SYCP2: variants seen among roughly 807,000 people sequenced by gnomAD.
The protein encoded by SYCP2 is synaptonemal complex protein 2.
Under a neutral mutation model 211.3 loss-of-function variants are expected in SYCP2, and 55 were observed. The observed-to-expected ratio is 0.26, with a 90% CI of 0.21 to 0.33. The LOEUF (loss-of-function observed/expected upper bound fraction) is 0.33. SYCP2 is among the 10% of genes least tolerant of loss of function. SYCP2 has a pLI of 1.00. For synonymous variants in SYCP2, 570 were observed against 555.2 expected (o/e 1.03, Z -0.37); for missense variants, 1,731 against 1,752.0 (o/e 0.99, Z 0.21).
intron 37 of SYCP2, 90 bp downstream of exon 37, chr20:59,868,745 G>A: frequency 7.7e-7 from 1 of 1,299,750 alleles, no homozygotes; most frequent in Non-Finnish European, 1.1e-6. Flanking sequence ...TTGAATAACG[G>A]TATGACTTAA....
In SYCP2 at chr20:59,867,693, A is replaced by T. The variant is rs763623744; in HGVS notation, c.4125+18T>A. 6.3e-7 allele frequency: 1 copy of T among 1,594,358 alleles called. No individual in the cohort carries two copies. Among genetic ancestry groups the T allele is most frequent in the Non-Finnish European group, 8.6e-7 (1 of 1,164,606 alleles). On this transcript the variant is annotated intron_variant, in intron 39 of 44. Transcript: ENST00000357552. The stretch of plus-strand genomic sequence containing the variant: ...ATTATATTATTGGGTATAAATCATA[A>T]TTTAAAGAATAACTCACATTATTCC...
chr20:59,866,862 G>A (rs1341705371), intron 39 of SYCP2, among the ~76,000 whole-genome samples: 1 of 151,510 alleles, frequency 6.6e-6, no homozygotes, highest in East Asian at 1.9e-4. Flanking sequence ...CAAAAATGCT[G>A]ATGGTTATAA....
At position 59,875,304 on chromosome 20, in the gene SYCP2, A is replaced by T; in HGVS notation, c.3316T>A (p.Ser1106Thr). 16 of 1,610,900 alleles carry T rather than the reference A, an allele frequency of 9.9e-6. No individual in the cohort carries two copies. The highest frequency in any genetic ancestry group is 1.4e-5 in the Non-Finnish European group (16 of 1,178,216). ...ACTTCTATAGATGATGGACTGCCAG[A>T]TAAAGATCTGGGAGATAAGTCAAGG... ...NCLDLSPRSL[S>T]GSPSSIEVTR... The change falls in exon 34 of 45, where the codon TCT (serine) becomes ACT (threonine). Residue 1106 changes from serine (S) to threonine (T), a missense_variant. This residue lies in a region of SYCP2 where 1,387 missense variants were observed against 1,351.3 expected (regional missense o/e 1.03). Transcript: ENST00000357552.
intron 20 of SYCP2, among the ~76,000 whole-genome samples, 190 bp from the exon 21 acceptor site, chr20:59,893,783 C>T (rs2059955194): frequency 6.6e-6 from 1 of 152,012 alleles, no homozygotes; most frequent in South Asian, 2.1e-4. Context: ...AAGAAGAAAA[C>T]TGTCACTGCA....
chr20:59,919,958 AT>A (rs1318870871), intron 5 of SYCP2, among the ~76,000 whole-genome samples: 5 of 151,826 alleles, frequency 3.3e-5, no homozygotes, highest in African/African-American at 1.2e-4. Context: ...TTTTACCTTA[AT>A]TTAGATATTT....
intron 37 of SYCP2, 29 bp from the exon 38 acceptor site, chr20:59,868,597 C>T (rs762459557): frequency 2.8e-5 from 43 of 1,544,012 alleles, no homozygotes; most frequent in East Asian, 6.9e-5. Context: ...AAGTTAAAAG[C>T]GCTGCAATTT....
intron 24 of SYCP2, 59 bp from the exon 25 acceptor site, chr20:59,886,893 A>G: frequency 1.5e-6 from 2 of 1,375,904 alleles, no homozygotes; most frequent in Admixed American, 5.4e-5. Context: ...AGGAAAAATA[A>G]AGGCTGAAAA....
chr20:59,880,966 T>A lies in SYCP2; in HGVS notation c.2772A>T (p.Lys924Asn). The A allele has an allele frequency of 1.4e-6, 2 of 1,439,500 alleles. No individual in the cohort carries two copies. Among genetic ancestry groups the A allele is most frequent in the Non-Finnish European group, 1.9e-6 (2 of 1,047,992 alleles). 89.2% of individuals were successfully genotyped at this position (1,439,500 alleles called of 1,614,324 possible). A position where few individuals can be genotyped will look rare whatever the true frequency, so the allele number is the denominator to read the frequency against. Reference protein sequence around the residue: ...LKSSVKTKDKKIITNHQKKNL... With the variant: ...LKSSVKTKDKNIITNHQKKNL... The stretch of plus-strand genomic sequence containing the variant: ...GACATATTGAGATATTATAACTTAC[T>A]TTTTTATCTTTTGTTTTGACAGAAG... Residue 924 changes from lysine to asparagine, a missense_variant and splice_region_variant, in exon 30 of 45, where the codon AAA becomes AAT. Physicochemically the swap from Lys to Asn is moderately conservative, Grantham distance 94. Around this residue, in one of 3 missense-constraint regions of SYCP2, gnomAD observed 1,387 missense variants for 1,351.3 expected, o/e 1.03. Transcript: ENST00000357552.
intron 1 of SYCP2, among the ~76,000 whole-genome samples, chr20:59,933,015 C>T (rs1274606588): frequency 6.6e-6 from 1 of 152,032 alleles, no homozygotes; most frequent in Non-Finnish European, 1.5e-5. Flanking sequence ...TTCCCAGGGT[C>T]ACCCCCGAAC....
At chr20:59,906,637 C>T (rs2060218730) in intron 15 of SYCP2, among the ~76,000 whole-genome samples, 1 of 151,908 alleles carries the variant, frequency 6.6e-6, no homozygotes, top group Non-Finnish European at 1.5e-5. Flanking sequence ...TAAGAGTCGA[C>T]AAAAATTTTT....
At chr20:59,909,874 T>G (rs1055814444) in intron 14 of SYCP2, among the ~76,000 whole-genome samples, 1 of 152,220 alleles carries the variant, frequency 6.6e-6, no homozygotes, top group Non-Finnish European at 1.5e-5. Flanking sequence ...GTTGTGAGGC[T>G]ACTTTATATT....
intron 44 of SYCP2, among the ~76,000 whole-genome samples, chr20:59,864,940 G>A (rs2059300058): frequency 6.6e-6 from 1 of 151,910 alleles, no homozygotes; most frequent in African/African-American, 2.4e-5. Context: ...TGCAGCTGCT[G>A]GTCTACTAGG....
rs967362885 is a variant in SYCP2, at chr20:59,863,772, T to C, written c.*539A>G. The stretch of plus-strand genomic sequence containing the variant: ...GCAATGTAGTAGCTTTTTTAGGCCA[T>C]TTAGTGCTTCCTAATACATTAGAGC... On this transcript the variant is annotated 3_prime_UTR_variant, in exon 45 of 45. Transcript: ENST00000357552. The C allele has an allele frequency of 6.6e-6, 1 of 151,978 alleles. No homozygotes were observed. The highest frequency in any genetic ancestry group is 1.5e-5 in the Non-Finnish European group (1 of 67,888). The allele number at this position is 151,978 out of a possible 1,614,324, so 9.4% of individuals were successfully genotyped here.
chr20:59,883,127 T>C (rs932168652), intron 26 of SYCP2, among the ~76,000 whole-genome samples: 6 of 152,024 alleles, frequency 3.9e-5, no homozygotes, highest in African/African-American at 1.4e-4. Context: ...GGTGGGTGGG[T>C]CACCTGAGGT....
At chr20:59,921,852 A>G (rs1441822494) in intron 3 of SYCP2, among the ~76,000 whole-genome samples, 4 of 151,532 alleles carry the variant, frequency 2.6e-5, no homozygotes, top group Admixed American at 1.3e-4. Flanking sequence ...AAAAATACAT[A>G]AAGACAGGCA....
chr20:59,892,620 T>C lies in SYCP2; in HGVS notation c.1875A>G (p.Glu625=), dbSNP rs2059928779. ...TACTTGCTCTTTGGTTATTACATAG[T>C]TCAATGTTTGTTACAGGTGTCCAAC... ...WACWTPVTNI[E]LCNNQRASTS... is the part of the protein sequence containing the mutation. The change falls in exon 23 of 45, where the codon GAA becomes GAG. Residue 625 remains glutamate (E), a synonymous_variant. Transcript: ENST00000357552. 6.2e-7 allele frequency: 1 copy of C among 1,610,598 alleles called. No individual in the cohort carries two copies. The highest frequency in any genetic ancestry group is 8.5e-7 in the Non-Finnish European group (1 of 1,178,200).
chr20:59,878,820 C>A (rs1426034948), intron 31 of SYCP2, among the ~76,000 whole-genome samples: 2 of 151,986 alleles, frequency 1.3e-5, no homozygotes, highest in African/African-American at 4.8e-5. Flanking sequence ...TTCTTTTTGC[C>A]TTTCAAGCAT....
At chr20:59,919,765 T>TA (rs893905869) in intron 5 of SYCP2, among the ~76,000 whole-genome samples, 168 bp from the exon 6 acceptor site, 4 of 151,782 alleles carry the variant, frequency 2.6e-5, no homozygotes, top group African/African-American at 7.2e-5. Context: ...TGTTTTTTTT[T>TA]AACTATCTTT....
chr20:59,878,724 C>A (rs903537778), intron 31 of SYCP2, among the ~76,000 whole-genome samples: 1 of 152,024 alleles, frequency 6.6e-6, no homozygotes, highest in Non-Finnish European at 1.5e-5. Context: ...AATATCATGT[C>A]CTGTATAATA....
Sources: gnomAD v4.1 joint callset for allele counts (sites outside exome capture counted in the v4.1 genomes callset) on GRCh38, gnomAD v4.1.1 for gene constraint, gnomAD v4.1.1 regional missense constraint, MANE v1.5 for transcripts, NCBI Gene and HGNC (gene_info 2026-07-23, HGNC 2026-07-21) for gene names.